LRRC7: variants seen among roughly 807,000 people sequenced by gnomAD.
LRRC7 encodes the protein leucine rich repeat containing 7, also known as leucine-rich repeat-containing protein 7.
LRRC7 carries 23 observed loss-of-function variants against 175.7 expected under a neutral mutation model. The ratio of observed to expected loss-of-function variants is 0.13; its 90% CI spans 0.09 to 0.19. LRRC7 has a LOEUF of 0.19. Among genes scored for constraint, LRRC7 ranks in the 10% least tolerant of loss-of-function variants. LRRC7 has a pLI of 1.00. For synonymous variants in LRRC7, 685 were observed against 680.9 expected (o/e 1.01, Z -0.09); for missense variants, 1,354 against 1,904.7 (o/e 0.71, Z 5.38).
rs1311940556 is a variant in LRRC7 at position 70,138,793 on chromosome 1, G to A, written c.*16906G>A. The stretch of plus-strand genomic sequence containing the variant: ...CCAAGGTATGATCTACCAGTGAGAA[G>A]ATCAGTGCCAGGTCACAGAAAAAGC... On this transcript the variant is annotated 3_prime_UTR_variant, in exon 27 of 27. Coordinates refer to ENST00000651989, the MANE Select transcript of LRRC7 (RefSeq NM_001370785.2). 1 of 152,172 alleles carries A rather than the reference G, an allele frequency of 6.6e-6. No homozygotes were observed. The highest frequency in any genetic ancestry group is 2.1e-4 in the South Asian group (1 of 4,830). 9.4% of individuals were successfully genotyped at this position (152,172 alleles called of 1,614,324 possible).
chr1:69,689,658 T>C lies in LRRC7; in HGVS notation c.100+11180T>C, dbSNP rs372419580. 9.1e-4 allele frequency among the ~76,000 whole-genome samples: 138 copies of C among 152,234 alleles called. 5 individuals carry two copies. In the South Asian group the frequency reaches 0.028, roughly 31 times the overall value. On this transcript the variant is annotated intron_variant, in intron 2 of 26. Coordinates refer to ENST00000651989, the MANE Select transcript of LRRC7 (RefSeq NM_001370785.2). Reference sequence around the variant, plus strand: ...CATCATTAAGATGACTATTACTAAGTTTTACAACAAAGCTGAAAGAATACC... The same window carrying C: ...CATCATTAAGATGACTATTACTAAGCTTTACAACAAAGCTGAAAGAATACC...
At chr1:69,928,145 G>C (rs1336155580) in intron 7 of LRRC7, among the ~76,000 whole-genome samples, 2 of 152,280 alleles carry the variant, frequency 1.3e-5, no homozygotes, top group East Asian at 3.9e-4. Context: ...GAATGCTGCT[G>C]TCTGATCGTT....
At chr1:69,889,497 A>T (rs1645766309) in intron 7 of LRRC7, among the ~76,000 whole-genome samples, 1 of 152,166 alleles carries the variant, frequency 6.6e-6, no homozygotes, top group Non-Finnish European at 1.5e-5. Flanking sequence ...CTTTACCAGG[A>T]GTAGATTCCA....
At chr1:69,874,093 T>C (rs749624816) in intron 7 of LRRC7, 6 of 152,168 alleles carry the variant, frequency 3.9e-5, no homozygotes, top group Non-Finnish European at 5.9e-5. Flanking sequence ...AGTCAAAATA[T>C]GAAATGCTGA....
At position 70,130,943 on chromosome 1, in the gene LRRC7, T is replaced by C. The variant is rs1027248192; in HGVS notation, c.*9056T>C. Among the ~76,000 whole-genome samples the C allele has an allele frequency of 1.7e-4, 26 of 152,196 alleles. No homozygotes were observed. The highest frequency in any genetic ancestry group is 5.3e-4 in the African/African-American group (22 of 41,442). ...ATAAAAGAATAGTCTGTCTACAGGC[T>C]GTTGGCCACAGTTGAGCATGACAAT... On this transcript the variant is annotated 3_prime_UTR_variant, in exon 27 of 27. Coordinates refer to ENST00000651989, the MANE Select transcript of LRRC7 (RefSeq NM_001370785.2).
At chr1:70,054,578 CTTTTTT>C (rs35639787) in intron 23 of LRRC7, among the ~76,000 whole-genome samples, 5 of 53,798 alleles carry the variant, frequency 9.3e-5, no homozygotes, top group Admixed American at 3.2e-4. Flanking sequence ...TTACACTCTA[CTTTTTT>C]TTTTTTTTTT....
chr1:69,640,106 G>T (rs1653981326), intron 1 of LRRC7, among the ~76,000 whole-genome samples: 1 of 151,618 alleles, frequency 6.6e-6, no homozygotes, highest in African/African-American at 2.4e-5. Context: ...AATGTCTTCA[G>T]CTTGAAGTCT....
chr1:69,613,915 A>G (rs1244977434), intron 1 of LRRC7, among the ~76,000 whole-genome samples: 2 of 152,078 alleles, frequency 1.3e-5, no homozygotes, highest in Admixed American at 6.6e-5. Flanking sequence ...ATAAGAGAGA[A>G]TAATGAAAGA....
intron 1 of LRRC7, among the ~76,000 whole-genome samples, chr1:69,627,976 T>G (rs1005418926): frequency 6.6e-6 from 1 of 152,064 alleles, no homozygotes; most frequent in Non-Finnish European, 1.5e-5. Context: ...ATATTATACT[T>G]AATATATTTG....
intron 1 of LRRC7, among the ~76,000 whole-genome samples, chr1:69,619,954 G>C (rs12030270): frequency 0.15 from 22,903 of 152,112 alleles, 2,085 homozygotes; most frequent in East Asian, 0.23. Context: ...AATATAAAAA[G>C]TTCATTGCTT....
chr1:69,965,534 T>C (rs1651570558), intron 8 of LRRC7, among the ~76,000 whole-genome samples: 1 of 152,154 alleles, frequency 6.6e-6, no homozygotes, highest in Admixed American at 6.5e-5. Context: ...TAAGAATATC[T>C]ACTTATTTAT....
chr1:69,647,223 C>A (rs1008659821), intron 1 of LRRC7, among the ~76,000 whole-genome samples: 1 of 152,148 alleles, frequency 6.6e-6, no homozygotes, highest in African/African-American at 2.4e-5. Flanking sequence ...TGCTAGCCAG[C>A]ACTAGATGTG....
Position 70,028,159 on chromosome 1 carries a change from G to A in LRRC7, c.1795-12G>A, listed in dbSNP as rs370281969. 3.6e-4 allele frequency: 582 copies of A among 1,599,064 alleles called. No homozygotes were observed. The highest frequency in any genetic ancestry group is 8.4e-4 in the Middle Eastern group (5 of 5,924). On this transcript the variant is annotated splice_polypyrimidine_tract_variant and intron_variant, in intron 17 of 26. Coordinates refer to ENST00000651989, the MANE Select transcript of LRRC7 (RefSeq NM_001370785.2). ...TTATTTTTATGTTAAATTTCTTTTTGTAAACTTCTAGGTTGAAATAAACCT... is the reference window on the plus strand; with the variant it reads ...TTATTTTTATGTTAAATTTCTTTTTATAAACTTCTAGGTTGAAATAAACCT...
intron 9 of LRRC7, among the ~76,000 whole-genome samples, chr1:69,985,172 ACTC>A (rs1321204507): frequency 6.6e-6 from 1 of 151,816 alleles, no homozygotes; most frequent in African/African-American, 2.4e-5. Context: ...ATTACTGAGA[ACTC>A]CTTACTGATA....
intron 1 of LRRC7, among the ~76,000 whole-genome samples, chr1:69,596,539 G>A (rs1026608770): frequency 1.6e-4 from 24 of 152,122 alleles, no homozygotes; most frequent in Non-Finnish European, 1.6e-4. Context: ...CGGAAGTGTC[G>A]CAGAAAGAGA....
chr1:69,937,533 A>G (rs1413830561), intron 8 of LRRC7, among the ~76,000 whole-genome samples: 1 of 152,002 alleles, frequency 6.6e-6, no homozygotes, highest in Admixed American at 6.6e-5. Flanking sequence ...CTTCTATATA[A>G]ACTATTTGGT....
In LRRC7 at chr1:69,703,118, T is replaced by G. The variant is rs555026515; in HGVS notation, c.100+24640T>G. Reference sequence around the variant, plus strand: ...AGTCTGAAGAGAAAACAGTAAAATTTTTATGAATTTTACCTCAAAATACAT... The same window carrying G: ...AGTCTGAAGAGAAAACAGTAAAATTGTTATGAATTTTACCTCAAAATACAT... On this transcript the variant is annotated intron_variant, in intron 2 of 26. Transcript: ENST00000651989. 2.6e-5 allele frequency among the ~76,000 whole-genome samples: 4 copies of G among 152,172 alleles called. No individual in the cohort carries two copies. The East Asian group carries it at 7.7e-4, about 29-fold the overall frequency.
chr1:70,000,574 A>G (rs1655427571), intron 11 of LRRC7, among the ~76,000 whole-genome samples: 1 of 152,188 alleles, frequency 6.6e-6, no homozygotes, highest in Non-Finnish European at 1.5e-5. Flanking sequence ...CTTCTTGTTC[A>G]CTAGGCTTCA....
chr1:70,135,433 A>G lies in LRRC7; in HGVS notation c.*13546A>G, dbSNP rs1193029856. Among the ~76,000 whole-genome samples the G allele has an allele frequency of 6.6e-6, 1 of 152,192 alleles. No individual in the cohort carries two copies. Among genetic ancestry groups the G allele is most frequent in the East Asian group, 1.9e-4 (1 of 5,192 alleles). On this transcript the variant is annotated 3_prime_UTR_variant, in exon 27 of 27. Transcript: ENST00000651989. The stretch of plus-strand genomic sequence containing the variant: ...AAAAGCTCTGCTTTTAGGTACAACA[A>G]ATGGAAATATCATCTAGGCTGGGTT...
Sources: allele counts gnomAD v4.1 joint callset (sites outside exome capture counted in the v4.1 genomes callset), GRCh38; gene constraint gnomAD v4.1.1; transcripts MANE v1.5; gene names NCBI Gene and HGNC (gene_info 2026-07-23, HGNC 2026-07-21).